The following ZNF330 variants were observed in gnomAD, a reference collection of about 807,000 sequenced individuals.
ZNF330 encodes the protein nucleolar atypical zinc finger.
Under a neutral mutation model 45.5 loss-of-function variants are expected in ZNF330, and 31 were observed. That is an observed-to-expected ratio of 0.68 (90% CI 0.51 to 0.92). The LOEUF is 0.92. Among genes scored for constraint, ZNF330 ranks in the 40% least tolerant of loss-of-function variants. The probability of loss-of-function intolerance (pLI) is 0.00; values close to 1 mark genes in which losing one functional copy is unlikely to be tolerated. For missense variants in ZNF330, 356 were observed against 387.4 expected (o/e 0.92, Z 0.68); for synonymous variants, 138 against 123.2 (o/e 1.12, Z -0.79).
intron 7 of ZNF330, among the ~76,000 whole-genome samples, 157 bp downstream of exon 7, chr4:141,230,427 A>C (rs1057481093): frequency 1.3e-5 from 2 of 152,140 alleles, no homozygotes; most frequent in Admixed American, 6.6e-5. Flanking sequence ...CAGAACAGTC[A>C]GAATATAGTT....
chr4:141,222,255 G>GT, intron 1 of ZNF330, 111 bp from the exon 2 acceptor site: 1 of 1,301,288 alleles, frequency 7.7e-7, no homozygotes, highest in East Asian at 2.5e-5. Context: ...AAAGGATAGA[G>GT]TTTAACATTT....
intron 4 of ZNF330, among the ~76,000 whole-genome samples, chr4:141,225,046 A>T (rs547793302): frequency 2.6e-5 from 4 of 152,174 alleles, no homozygotes; most frequent in African/African-American, 7.2e-5. Flanking sequence ...ATTCCTGCTG[A>T]TATTACCTGC....
intron 5 of ZNF330, 94 bp from the exon 6 acceptor site, chr4:141,229,477 C>A (rs538564937): frequency 3.2e-5 from 49 of 1,512,372 alleles, no homozygotes; most frequent in Non-Finnish European, 3.9e-5. Flanking sequence ...TGATAAATTG[C>A]TAAATGTATA....
At chr4:141,222,704 A>G (rs1728711769) in intron 2 of ZNF330, 1 of 372,410 alleles carries the variant, frequency 2.7e-6, no homozygotes, top group African/African-American at 2.0e-5. Context: ...TACTTTACAT[A>G]CTGTTGGTGA....
chr4:141,230,829 G>A (rs545618277), intron 7 of ZNF330, among the ~76,000 whole-genome samples: 5 of 152,194 alleles, frequency 3.3e-5, no homozygotes, highest in African/African-American at 1.2e-4. Context: ...TTTTCCAGTT[G>A]AGAGCCAGCA....
At position 141,226,785 on chromosome 4, in the gene ZNF330, T is replaced by C; in HGVS notation, c.230T>C (p.Met77Thr). 6.2e-7 allele frequency: 1 copy of C among 1,612,936 alleles called. No individual in the cohort carries two copies. The highest frequency in any genetic ancestry group is 8.5e-7 in the Non-Finnish European group (1 of 1,179,278). Reference protein sequence around the residue: ...CAQCGKTKCMMKSSDCVIKHA... With the variant: ...CAQCGKTKCMTKSSDCVIKHA... ...TCATTAGGGAAAACAAAGTGCATGA[T>C]GAAGTCTTCAGACTGTGTCATAAAG... is the stretch of plus-strand genomic sequence containing the variant. The change falls in exon 5 of 10, where the codon ATG (methionine) becomes ACG (threonine). Residue 77 changes from methionine to threonine, a missense_variant. By Grantham distance (81) the Met-to-Thr change is moderately conservative. Transcript: ENST00000262990.
intron 4 of ZNF330, 24 bp downstream of exon 4, chr4:141,224,701 A>G (rs1728760377): frequency 6.2e-7 from 1 of 1,601,262 alleles, no homozygotes; most frequent in African/African-American, 1.3e-5. Flanking sequence ...AATTAAGGAC[A>G]TATGCTTTTT....
chr4:141,222,649 C>A, intron 2 of ZNF330, 158 bp downstream of exon 2: 1 of 654,694 alleles, frequency 1.5e-6, no homozygotes, highest in Non-Finnish European at 2.5e-6. Context: ...CACTGAGTGG[C>A]AGTGATTGTT....
chr4:141,226,949 G>A (rs557616916), intron 5 of ZNF330, 103 bp downstream of exon 5: 1 of 913,386 alleles, frequency 1.1e-6, no homozygotes, highest in South Asian at 1.8e-5. Context: ...TTTGTCCCTT[G>A]TTTCAATCAA....
intron 6 of ZNF330, among the ~76,000 whole-genome samples, 165 bp from the exon 7 acceptor site, chr4:141,230,001 G>C (rs1294565345): frequency 6.6e-6 from 1 of 151,976 alleles, no homozygotes; most frequent in Non-Finnish European, 1.5e-5. Context: ...TCAGTTTCAA[G>C]GACTTCAACA....
Position 141,233,976 on chromosome 4 carries a change from A to T in ZNF330, c.950A>T (p.Glu317Val). The T allele has an allele frequency of 1.2e-6, 2 of 1,612,276 alleles. No homozygotes were observed. Among genetic ancestry groups the T allele is most frequent in the Non-Finnish European group, 1.7e-6 (2 of 1,178,948 alleles). Reference protein sequence around the residue: ...TYASGYAHYEEQEN With the variant: ...TYASGYAHYEVQEN ...GCTAGTGGCTATGCTCACTATGAGG[A>T]ACAAGAGAACTAGGGGAGCTGCTCT... is the stretch of plus-strand genomic sequence containing the variant. Residue 317 changes from glutamate to valine, a missense_variant, in exon 10 of 10, where the codon GAA (glutamate) becomes GTA (valine). By Grantham distance (121) the Glu-to-Val change is moderately radical. Transcript: ENST00000262990.
chr4:141,232,519 A>G lies in ZNF330; in HGVS notation c.571-6A>G, dbSNP rs1728982591. On this transcript the variant is annotated splice_polypyrimidine_tract_variant and splice_region_variant and intron_variant, in intron 8 of 9. Coordinates refer to ENST00000262990, the MANE Select transcript of ZNF330 (RefSeq NM_014487.6). Reference sequence around the variant, plus strand: ...TTATTTACTTTATTTTGCTTCTCCTATACAGGCTTGTTTCTGTGATGATCA... The same window carrying G: ...TTATTTACTTTATTTTGCTTCTCCTGTACAGGCTTGTTTCTGTGATGATCA... 1 of 1,527,678 alleles carries G rather than the reference A, an allele frequency of 6.5e-7. No individual in the cohort carries two copies. Among genetic ancestry groups the G allele is most frequent in the Non-Finnish European group, 8.8e-7 (1 of 1,133,818 alleles). The allele number at this position is 1,527,678 out of a possible 1,614,324, so 94.6% of individuals were successfully genotyped here. A position where few individuals can be genotyped will look rare whatever the true frequency, so the allele number is the denominator to read the frequency against.
At position 141,232,523 on chromosome 4, in the gene ZNF330, A is replaced by G; in HGVS notation, c.571-2A>G. On this transcript the variant is annotated splice_acceptor_variant, in intron 8 of 9. Transcript: ENST00000262990. LOFTEE classifies it high-confidence loss of function. ...TTACTTTATTTTGCTTCTCCTATAC[A>G]GGCTTGTTTCTGTGATGATCATACA... 1 of 1,537,724 alleles carries G rather than the reference A, an allele frequency of 6.5e-7. No homozygotes were observed. Among genetic ancestry groups the G allele is most frequent in the Non-Finnish European group, 8.8e-7 (1 of 1,141,590 alleles).
At chr4:141,221,159 C>A (rs1422540707) in intron 1 of ZNF330, 51 bp downstream of exon 1, 1 of 152,352 alleles carries the variant, frequency 6.6e-6, no homozygotes, top group African/African-American at 2.4e-5. Flanking sequence ...TTGCGGGTCC[C>A]CGAGCCGCCT....
chr4:141,224,704 T>G (rs746262455), intron 4 of ZNF330, 27 bp downstream of exon 4: 48 of 1,596,684 alleles, frequency 3.0e-5, no homozygotes, highest in Non-Finnish European at 3.5e-5. Context: ...TAAGGACATA[T>G]GCTTTTTATC....
At chr4:141,228,263 T>C (rs1394637210) in intron 5 of ZNF330, among the ~76,000 whole-genome samples, 1 of 152,162 alleles carries the variant, frequency 6.6e-6, no homozygotes, top group Non-Finnish European at 1.5e-5. Context: ...TCAGCCAAAT[T>C]CATTTTTTAA....
chr4:141,223,673 A>G, intron 2 of ZNF330: 2 of 451,960 alleles, frequency 4.4e-6, no homozygotes, highest in Admixed American at 2.4e-5. Flanking sequence ...AGTCCTTTCC[A>G]GAGAAGAGAG....
intron 2 of ZNF330, chr4:141,223,880 T>C: frequency 2.2e-6 from 1 of 446,468 alleles, no homozygotes; most frequent in Non-Finnish European, 4.5e-6. Flanking sequence ...GGAAAAGTGT[T>C]CGAATAAGTA....
Position 141,229,572 on chromosome 4 carries a change from G to C in ZNF330, c.293G>C (p.Gly98Ala). The C allele has an allele frequency of 6.2e-7, 1 of 1,612,708 alleles. No individual in the cohort carries two copies. ...GVYSTGLAMV[G>A]AICDFCEAWV... ...TGTATTCTTGTTCCTTGGTTACAGG[G>C]TGCAATATGTGACTTCTGTGAAGCT... is the stretch of plus-strand genomic sequence containing the variant. Residue 98 changes from glycine to alanine, a missense_variant and splice_region_variant, in exon 6 of 10, where the codon GGT becomes GCT. Gly to Ala is a moderately conservative substitution (Grantham distance 60). Transcript: ENST00000262990.
Sources: allele counts gnomAD v4.1 joint callset (sites outside exome capture counted in the v4.1 genomes callset), GRCh38; gene constraint gnomAD v4.1.1; transcripts MANE v1.5; gene names NCBI Gene and HGNC (gene_info 2026-07-23, HGNC 2026-07-21).